LRP1B: variants seen among roughly 807,000 people sequenced by gnomAD.
The protein encoded by LRP1B is LDL receptor related protein 1B.
In LRP1B, 217 loss-of-function variants were observed where a neutral mutation model predicts 556.6. The observed-to-expected ratio is 0.39, with a 90% CI of 0.35 to 0.44. LRP1B has a LOEUF of 0.44. Ranked by LOEUF, LRP1B falls within the 20% of genes least tolerant of loss-of-function variation. LRP1B has a pLI of 1.00. For missense variants in LRP1B, 5,053 were observed against 5,620.8 expected (o/e 0.90, Z 3.23); for synonymous variants, 2,047 against 1,865.8 (o/e 1.10, Z -2.50).
At chr2:140,630,888 T>C (rs1248039274) in intron 41 of LRP1B, among the ~76,000 whole-genome samples, 3 of 152,318 alleles carry the variant, frequency 2.0e-5, no homozygotes, top group East Asian at 3.9e-4. Flanking sequence ...GTCACAGACC[T>C]GGGACAGAAG....
At chr2:140,246,768 C>T (rs539991352) in intron 87 of LRP1B, among the ~76,000 whole-genome samples, 1 of 151,540 alleles carries the variant, frequency 6.6e-6, no homozygotes, top group African/African-American at 2.4e-5. Flanking sequence ...GGAGCATTTT[C>T]ACATCCATTG....
At chr2:141,854,746 CAATG>C (rs879828836) in intron 1 of LRP1B, among the ~76,000 whole-genome samples, 1 of 152,016 alleles carries the variant, frequency 6.6e-6, no homozygotes, top group Non-Finnish European at 1.5e-5. Flanking sequence ...TGTATAAATA[CAATG>C]AATAATAAAC....
At chr2:140,705,024 A>G (rs1686779034) in intron 37 of LRP1B, among the ~76,000 whole-genome samples, 2 of 152,114 alleles carry the variant, frequency 1.3e-5, no homozygotes. Flanking sequence ...TATGACTAGG[A>G]AGTAAATGAT....
chr2:141,943,491 A>T (rs904911415), intron 1 of LRP1B, among the ~76,000 whole-genome samples: 1 of 152,186 alleles, frequency 6.6e-6, no homozygotes, highest in African/African-American at 2.4e-5. Flanking sequence ...TTACATAGGC[A>T]CTAATAATAG....
intron 7 of LRP1B, among the ~76,000 whole-genome samples, chr2:141,151,008 A>G (rs942437139): frequency 6.6e-6 from 1 of 151,988 alleles, no homozygotes; most frequent in Non-Finnish European, 1.5e-5. Flanking sequence ...ATATTTAGGT[A>G]CTATTTTAGT....
chr2:141,732,324 T>A (rs1693304397), intron 2 of LRP1B, among the ~76,000 whole-genome samples: 2 of 150,786 alleles, frequency 1.3e-5, no homozygotes, highest in South Asian at 4.2e-4. Flanking sequence ...TCCTAAAATA[T>A]AATATATCTG....
At chr2:141,189,958 A>AAAGAAAGAAAAGGAAGAAAAG (rs1558921771) in intron 6 of LRP1B, among the ~76,000 whole-genome samples, 3 of 5,528 alleles carry the variant, frequency 5.4e-4, no homozygotes, top group East Asian at 0.014. Flanking sequence ...GAAAAGGAAG[A>AAAGAAAGAAAAGGAAGAAAAG]AAAGAAAGAA....
At position 141,098,713 on chromosome 2, in the gene LRP1B, G is replaced by A. The variant is rs867440546; in HGVS notation, c.1014-36440C>T. On this transcript the variant is annotated intron_variant, in intron 7 of 90. Transcript: ENST00000389484. ...ACTCTTGTTGCCCAGGCTGGGGTGC[G>A]ATGGCACGATCTTGGCTCACTGAAA... 1.7e-4 allele frequency among the ~76,000 whole-genome samples: 26 copies of A among 152,262 alleles called. No homozygotes were observed. The Middle Eastern group carries it at 0.01, about 60-fold the overall frequency.
At chr2:140,730,193 T>A (rs1426220957) in intron 35 of LRP1B, among the ~76,000 whole-genome samples, 2 of 152,210 alleles carry the variant, frequency 1.3e-5, no homozygotes, top group Non-Finnish European at 2.9e-5. Context: ...AAAAGCCTCC[T>A]AAATGGTCGC....
intron 86 of LRP1B, among the ~76,000 whole-genome samples, chr2:140,256,449 C>CTTTTTTTTTTTTTTTTTTTTT (rs764826231): frequency 4.0e-5 from 1 of 25,292 alleles, no homozygotes; most frequent in African/African-American, 1.3e-4. Flanking sequence ...TTTTTCCTTC[C>CTTTTTTTTTTTTTTTTTTTTT]TTTTTTTTTT....
intron 43 of LRP1B, among the ~76,000 whole-genome samples, chr2:140,552,159 C>T (rs986082808): frequency 6.6e-6 from 1 of 152,070 alleles, no homozygotes; most frequent in African/African-American, 2.4e-5. Context: ...TAAATTGATG[C>T]CCCTTCAAGT....
intron 2 of LRP1B, among the ~76,000 whole-genome samples, chr2:141,721,038 T>G (rs1692792107): frequency 6.6e-6 from 1 of 152,122 alleles, no homozygotes; most frequent in South Asian, 2.1e-4. Flanking sequence ...CTGGCTGCCA[T>G]TCATAGAATT....
intron 31 of LRP1B, among the ~76,000 whole-genome samples, chr2:140,821,234 T>C (rs898656135): frequency 1.3e-5 from 2 of 152,154 alleles, no homozygotes; most frequent in African/African-American, 4.8e-5. Context: ...ATAACCTTTT[T>C]AAAAAATTAC....
intron 2 of LRP1B, among the ~76,000 whole-genome samples, chr2:141,655,508 A>G (rs1689972335): frequency 6.6e-6 from 1 of 152,196 alleles, no homozygotes; most frequent in South Asian, 2.1e-4. Flanking sequence ...CTATCCATGT[A>G]AATTACAATA....
At chr2:140,577,375 C>A (rs1285134802) in intron 43 of LRP1B, among the ~76,000 whole-genome samples, 1 of 151,134 alleles carries the variant, frequency 6.6e-6, no homozygotes, top group Non-Finnish European at 1.5e-5. Flanking sequence ...CCCAGCTACT[C>A]GGGAGGCTGA....
chr2:140,316,112 T>A (rs916091242), intron 82 of LRP1B, among the ~76,000 whole-genome samples: 1 of 152,166 alleles, frequency 6.6e-6, no homozygotes, highest in African/African-American at 2.4e-5. Context: ...TATTTTGCTG[T>A]GCATATTGGC....
At chr2:140,380,813 T>C (rs35069826) in intron 67 of LRP1B, among the ~76,000 whole-genome samples, 10,612 of 152,224 alleles carry the variant, frequency 0.07, 428 homozygotes, top group Middle Eastern at 0.14. Context: ...TTAAAAAAAG[T>C]TATCAAGCCA....
In LRP1B at chr2:141,869,225, T is replaced by C. The variant is rs553144726; in HGVS notation, c.83-58824A>G. Among the ~76,000 whole-genome samples the C allele has an allele frequency of 2.6e-5, 4 of 152,194 alleles. 1 individual carries two copies. The highest frequency in any genetic ancestry group is 9.6e-5 in the African/African-American group (4 of 41,564). On this transcript the variant is annotated intron_variant, in intron 1 of 90. Transcript: ENST00000389484. ...AGTAGCCACAAGTCATGTGTAGCTA[T>C]TGAGCAGCTGAAATATGGTTACTGC... is the stretch of plus-strand genomic sequence containing the variant.
At chr2:141,569,487 G>A (rs1378331509) in intron 2 of LRP1B, among the ~76,000 whole-genome samples, 1 of 151,176 alleles carries the variant, frequency 6.6e-6, no homozygotes, top group Non-Finnish European at 1.5e-5. Flanking sequence ...GGTCTGGAGA[G>A]GGAGGAACTA....
Sources: gnomAD v4.1 joint callset for allele counts (sites outside exome capture counted in the v4.1 genomes callset) on GRCh38, gnomAD v4.1.1 for gene constraint, MANE v1.5 for transcripts, NCBI Gene and HGNC (gene_info 2026-07-23, HGNC 2026-07-21) for gene names.